HSD17B11: variants seen among roughly 807,000 people sequenced by gnomAD.
The protein encoded by HSD17B11 is hydroxysteroid 17-beta dehydrogenase 11.
HSD17B11 carries 22 observed loss-of-function variants against 27.8 expected under a neutral mutation model. That is an observed-to-expected ratio of 0.79 (90% CI 0.56 to 1.13). The LOEUF (loss-of-function observed/expected upper bound fraction) is 1.13. HSD17B11 is among the 50% of genes most tolerant of loss of function. The probability of loss-of-function intolerance (pLI) is 0.00; values close to 1 mark genes in which losing one functional copy is unlikely to be tolerated. For synonymous variants in HSD17B11, 117 were observed against 132.8 expected (o/e 0.88, Z 0.82); for missense variants, 314 against 351.1 (o/e 0.89, Z 0.84).
chr4:87,379,710 G>T (rs1720078920), intron 2 of HSD17B11, among the ~76,000 whole-genome samples: 1 of 141,664 alleles, frequency 7.1e-6, no homozygotes. Context: ...TATTATATTA[G>T]TATATAATAA....
In HSD17B11 at chr4:87,353,126, G is replaced by A. The variant is rs552260044; in HGVS notation, c.695+4153C>T. Among the ~76,000 whole-genome samples, 10 of 106,572 alleles carry A rather than the reference G, an allele frequency of 9.4e-5. 2 individuals are homozygous for A. The highest frequency in any genetic ancestry group is 4.9e-4 in the South Asian group (2 of 4,086). 69.9% of individuals were successfully genotyped at this position (106,572 alleles called of 152,430 possible). A position where few individuals can be genotyped will look rare whatever the true frequency, so the allele number is the denominator to read the frequency against. On this transcript the variant is annotated intron_variant, in intron 5 of 6. Coordinates refer to ENST00000358290, the MANE Select transcript of HSD17B11 (RefSeq NM_016245.5). ...CTGTAGACCGGAGCTGTTCCTATTC[G>A]GCCATCTTGGCTCCTCCCTCTAGTA...
rs192622848 is a variant in HSD17B11 at position 87,369,059 on chromosome 4, C to T, written c.557+3650G>A. Among the ~76,000 whole-genome samples the T allele has an allele frequency of 3.3e-5, 5 of 152,312 alleles. No individual in the cohort carries two copies. In the East Asian group the frequency reaches 9.6e-4, roughly 29 times the overall value. ...CTTTCTTGCACGAGATCCAAGAACCCTCTCTTGAGGTCTGGATCGGGACTC... is the reference window on the plus strand; with the variant it reads ...CTTTCTTGCACGAGATCCAAGAACCTTCTCTTGAGGTCTGGATCGGGACTC... On this transcript the variant is annotated intron_variant, in intron 4 of 6. Transcript: ENST00000358290.
rs1246409519 is a variant in HSD17B11, at chr4:87,337,232, C to T, written c.*44G>A. On this transcript the variant is annotated 3_prime_UTR_variant, in exon 7 of 7. Transcript: ENST00000358290. ...TTAAAATTCTGGCACTATTAGATGA[C>T]ATCAACCTAAACCTGGTAAATCAGT... The T allele has an allele frequency of 1.7e-6, 2 of 1,158,216 alleles. No homozygotes were observed. Among genetic ancestry groups the T allele is most frequent in the East Asian group, 2.4e-5 (1 of 42,542 alleles). The allele number at this position is 1,158,216 out of a possible 1,614,324, so 71.7% of individuals were successfully genotyped here.
At chr4:87,339,078 C>T (rs1372690025) in intron 6 of HSD17B11, among the ~76,000 whole-genome samples, 1 of 152,132 alleles carries the variant, frequency 6.6e-6, no homozygotes, top group Non-Finnish European at 1.5e-5. Flanking sequence ...CATTTTGGTG[C>T]CTCTAATGTG....
chr4:87,368,673 C>T (rs966969102), intron 4 of HSD17B11, among the ~76,000 whole-genome samples: 8 of 152,030 alleles, frequency 5.3e-5, no homozygotes, highest in Admixed American at 3.3e-4. Flanking sequence ...GAGGTCAGCA[C>T]AAAATACAGG....
rs547632252 is a variant in HSD17B11, at chr4:87,375,634, A to T, written c.319-804T>A. ...CGGGCGCCTATAATCCCAGCTACTCAGGAGGCTGAGGCAGGAGAATCGCTT... is the reference window on the plus strand; with the variant it reads ...CGGGCGCCTATAATCCCAGCTACTCTGGAGGCTGAGGCAGGAGAATCGCTT... On this transcript the variant is annotated intron_variant, in intron 2 of 6. Transcript: ENST00000358290. 3.9e-5 allele frequency among the ~76,000 whole-genome samples: 6 copies of T among 152,290 alleles called. No homozygotes were observed. The East Asian group carries it at 1.2e-3, about 29-fold the overall frequency.
At chr4:87,381,800 A>C (rs1412351286) in intron 2 of HSD17B11, among the ~76,000 whole-genome samples, 1 of 151,866 alleles carries the variant, frequency 6.6e-6, no homozygotes. Context: ...AAATAGATCT[A>C]TCTACAATAA....
At position 87,390,988 on chromosome 4, in the gene HSD17B11, G is replaced by A; in HGVS notation, c.83C>T (p.Pro28Leu). 1 of 1,613,970 alleles carries A rather than the reference G, an allele frequency of 6.2e-7. No homozygotes were observed. The highest frequency in any genetic ancestry group is 8.5e-7 in the Non-Finnish European group (1 of 1,179,988). Residue 28 changes from proline to leucine, a missense_variant, in exon 1 of 7, where the codon CCT (proline) becomes CTT (leucine). By Grantham distance (98) the Pro-to-Leu change is moderately conservative. Coordinates refer to ENST00000358290, the MANE Select transcript of HSD17B11 (RefSeq NM_016245.5). The stretch of plus-strand genomic sequence containing the variant: ...GCCGGTGACTGATTTTCTCCTCTTA[G>A]GAATAAAAAGCTTCACGAAGGACTC... Reference protein sequence around the residue: ...SLESFVKLFIPKRRKSVTGEI... With the variant: ...SLESFVKLFILKRRKSVTGEI...
chr4:87,389,854 T>C (rs1364646391), intron 1 of HSD17B11, among the ~76,000 whole-genome samples: 2 of 152,180 alleles, frequency 1.3e-5, no homozygotes, highest in Non-Finnish European at 2.9e-5. Context: ...CCTACACTTG[T>C]CCTAGGTAAA....
intron 4 of HSD17B11, among the ~76,000 whole-genome samples, chr4:87,370,757 T>TATTA (rs1553959707): frequency 0.012 from 144 of 12,186 alleles, 3 homozygotes; most frequent in East Asian, 0.027. Context: ...TTATTATTAT[T>TATTA]TTTTTTTTTT....
chr4:87,358,936 A>T (rs1390742523), intron 4 of HSD17B11, among the ~76,000 whole-genome samples: 4 of 152,120 alleles, frequency 2.6e-5, no homozygotes, highest in East Asian at 1.9e-4. Flanking sequence ...CACTGGTGGG[A>T]GGTGACTGGA....
Position 87,366,840 on chromosome 4 carries a change from C to T in HSD17B11, c.557+5869G>A, listed in dbSNP as rs1205322170. Among the ~76,000 whole-genome samples, 9 of 151,990 alleles carry T rather than the reference C, an allele frequency of 5.9e-5. No individual in the cohort carries two copies. In the South Asian group the frequency reaches 1.0e-3, roughly 17 times the overall value. On this transcript the variant is annotated intron_variant, in intron 4 of 6. Transcript: ENST00000358290. The stretch of plus-strand genomic sequence containing the variant: ...ACATTAAAATAAAGAAAACAACTTT[C>T]GAAACTCTCATAAAAAGCTGGAATG...
chr4:87,390,756 TC>T, intron 1 of HSD17B11, 104 bp downstream of exon 1: 1 of 930,228 alleles, frequency 1.1e-6, no homozygotes, highest in Non-Finnish European at 1.7e-6. Flanking sequence ...AATTTTTTTT[TC>T]CTCCCTGCTT....
Position 87,337,154 on chromosome 4 carries a change from C to A in HSD17B11, c.*122G>T, listed in dbSNP as rs1268133716. 1.4e-6 allele frequency: 1 copy of A among 713,398 alleles called. No individual in the cohort carries two copies. The highest frequency in any genetic ancestry group is 1.8e-5 in the African/African-American group (1 of 55,294). The allele number at this position is 713,398 out of a possible 1,614,324, so 44.2% of individuals were successfully genotyped here. ...TAGTAAATGAAGACTGCCAAAGCCT[C>A]AAAAATGATATTGAAGAAATGGGGA... On this transcript the variant is annotated 3_prime_UTR_variant, in exon 7 of 7. Transcript: ENST00000358290.
intron 4 of HSD17B11, among the ~76,000 whole-genome samples, chr4:87,366,344 C>A (rs1348851981): frequency 6.6e-6 from 1 of 152,128 alleles, no homozygotes; most frequent in Non-Finnish European, 1.5e-5. Context: ...TTTATAAAAT[C>A]TTACCTTAGG....
At chr4:87,368,731 G>A (rs1735654013) in intron 4 of HSD17B11, among the ~76,000 whole-genome samples, 1 of 152,104 alleles carries the variant, frequency 6.6e-6, no homozygotes, top group Admixed American at 6.6e-5. Context: ...AAAGGAGATG[G>A]CCAAAACCCA....
intron 4 of HSD17B11, among the ~76,000 whole-genome samples, chr4:87,359,468 C>G (rs1365973891): frequency 1.3e-5 from 2 of 152,148 alleles, no homozygotes; most frequent in African/African-American, 4.8e-5. Context: ...CTCAAGCAAT[C>G]CTATCACCTC....
chr4:87,357,949 ATTTTT>A (rs57139706), intron 4 of HSD17B11, among the ~76,000 whole-genome samples: 129 of 80,214 alleles, frequency 1.6e-3, no homozygotes, highest in Non-Finnish European at 2.6e-3. Flanking sequence ...CATTAGAGAA[ATTTTT>A]TTTTTTTTTT....
intron 4 of HSD17B11, among the ~76,000 whole-genome samples, chr4:87,372,142 C>T (rs186318789): frequency 0.018 from 2,642 of 150,624 alleles, 74 homozygotes; most frequent in African/African-American, 0.061. Flanking sequence ...ATTTGGGAGA[C>T]TGAGGCAGGA....
Sources: gnomAD v4.1 joint callset for allele counts (sites outside exome capture counted in the v4.1 genomes callset) on GRCh38, gnomAD v4.1.1 for gene constraint, MANE v1.5 for transcripts, NCBI Gene and HGNC (gene_info 2026-07-23, HGNC 2026-07-21) for gene names.